The following SLC39A11 variants were observed in gnomAD, a reference collection of about 807,000 sequenced individuals.
SLC39A11 encodes the protein solute carrier family 39 member 11, also known as zinc transporter ZIP11.
SLC39A11 carries 33 observed loss-of-function variants against 36.1 expected under a neutral mutation model. The observed-to-expected ratio is 0.91, with a 90% confidence interval of 0.69 to 1.22. SLC39A11 has a LOEUF of 1.22. Among genes scored for constraint, SLC39A11 ranks in the 50% most tolerant of loss-of-function variants. The pLI, the probability that SLC39A11 is intolerant of heterozygous loss-of-function variation, is 0.00. For synonymous variants in SLC39A11, 166 were observed against 170.3 expected (o/e 0.97, Z 0.20); for missense variants, 432 against 430.3 (o/e 1.00, Z -0.03).
intron 7 of SLC39A11, among the ~76,000 whole-genome samples, chr17:72,667,246 C>T (rs1018841937): frequency 9.9e-5 from 15 of 152,136 alleles, no homozygotes; most frequent in African/African-American, 2.7e-4. Context: ...CCTCAAACAG[C>T]GGCATCTCCG....
At position 72,916,341 on chromosome 17, in the gene SLC39A11, C is replaced by T. The variant is rs376759309; in HGVS notation, c.430+31411G>A. 5.3e-4 allele frequency among the ~76,000 whole-genome samples: 80 copies of T among 152,346 alleles called. 9 individuals carry two copies. The highest frequency in any genetic ancestry group is 3.3e-3 in the Admixed American group (51 of 15,304). The stretch of plus-strand genomic sequence containing the variant: ...CATAAATGAAACCATACAGCCCTAA[C>T]TCTTGCCACACTGGCTCGGGCAGGC... On this transcript the variant is annotated intron_variant, in intron 5 of 9. Coordinates refer to ENST00000255559, the MANE Select transcript of SLC39A11 (RefSeq NM_139177.4).
At chr17:72,851,136 C>T (rs7359625) in intron 5 of SLC39A11, among the ~76,000 whole-genome samples, 79,367 of 151,944 alleles carry the variant, frequency 0.52, 21,213 homozygotes, top group Middle Eastern at 0.58. Context: ...CCACGTGCCA[C>T]AGACATTCAT....
At chr17:72,923,234 T>C (rs927008971) in intron 5 of SLC39A11, among the ~76,000 whole-genome samples, 2 of 152,040 alleles carry the variant, frequency 1.3e-5, no homozygotes, top group Non-Finnish European at 2.9e-5. Context: ...CCCTGCCCCA[T>C]GGTCAGGGTT....
chr17:72,962,422 G>T (rs1163886759), intron 4 of SLC39A11, among the ~76,000 whole-genome samples: 1 of 152,158 alleles, frequency 6.6e-6, no homozygotes, highest in East Asian at 1.9e-4. Context: ...ATTGGCTGTT[G>T]TAAGAATTAC....
At chr17:73,092,411 A>ACCG (rs2060955291) in intron 1 of SLC39A11, 200 bp downstream of exon 1, 1 of 143,310 alleles carries the variant, frequency 7.0e-6, no homozygotes, top group Admixed American at 6.9e-5. Flanking sequence ...CTTCCTTCCC[A>ACCG]CCGCCCCTCA....
At chr17:73,004,149 A>AAGAGAGAGAGAG (rs2089994833) in intron 4 of SLC39A11, among the ~76,000 whole-genome samples, 2 of 146,934 alleles carry the variant, frequency 1.4e-5, no homozygotes, top group African/African-American at 5.1e-5. Context: ...GGAAGAAAGA[A>AAGAGAGAGAGAG]AGAAAGAAGG....
In SLC39A11 at chr17:72,929,433, C is replaced by T. The variant is rs578014678; in HGVS notation, c.430+18319G>A. 5.1e-4 allele frequency among the ~76,000 whole-genome samples: 78 copies of T among 152,114 alleles called. 1 individual carries two copies. The Middle Eastern group carries it at 0.014, about 27-fold the overall frequency. Reference sequence around the variant, plus strand: ...CTCGGGTAGTCTCCTTTCCACAAAACGGTCAAGGTCAATGTGCTAAGGATG... The same window carrying T: ...CTCGGGTAGTCTCCTTTCCACAAAATGGTCAAGGTCAATGTGCTAAGGATG... On this transcript the variant is annotated intron_variant, in intron 5 of 9. Coordinates refer to ENST00000255559, the MANE Select transcript of SLC39A11 (RefSeq NM_139177.4).
chr17:73,011,456 C>T (rs913423315), intron 4 of SLC39A11, among the ~76,000 whole-genome samples: 1 of 152,128 alleles, frequency 6.6e-6, no homozygotes, highest in Non-Finnish European at 1.5e-5. Flanking sequence ...AGACTCACAA[C>T]CTGCGTGGGA....
intron 4 of SLC39A11, among the ~76,000 whole-genome samples, chr17:72,973,072 A>G (rs1194001580): frequency 6.6e-6 from 1 of 151,168 alleles, no homozygotes; most frequent in Non-Finnish European, 1.5e-5. Context: ...CCCACCATAA[A>G]TACCCCAAGC....
chr17:72,669,596 T>C (rs970725693), intron 7 of SLC39A11, among the ~76,000 whole-genome samples: 3 of 152,348 alleles, frequency 2.0e-5, no homozygotes, highest in Admixed American at 1.3e-4. Context: ...TTCCTGGTGA[T>C]GCCAACCTTG....
intron 7 of SLC39A11, among the ~76,000 whole-genome samples, chr17:72,700,502 G>T (rs891916894): frequency 2.0e-5 from 3 of 152,232 alleles, no homozygotes; most frequent in African/African-American, 7.2e-5. Context: ...CGGGGCTGGG[G>T]ACTGCCAGGG....
intron 6 of SLC39A11, among the ~76,000 whole-genome samples, chr17:72,845,904 T>A (rs920260032): frequency 1.3e-5 from 2 of 152,172 alleles, no homozygotes; most frequent in Admixed American, 6.5e-5. Flanking sequence ...TCATTTCAAT[T>A]TATTTTTTAT....
chr17:73,088,800 A>G, intron 1 of SLC39A11, 25 bp from the exon 2 acceptor site: 3 of 1,531,116 alleles, frequency 2.0e-6, no homozygotes, highest in Non-Finnish European at 2.7e-6. Context: ...CGAGAGGGTC[A>G]GCCACCGGTG....
chr17:72,759,082 C>T (rs1394582108), intron 6 of SLC39A11, among the ~76,000 whole-genome samples: 1 of 139,500 alleles, frequency 7.2e-6, no homozygotes, highest in African/African-American at 2.7e-5. Context: ...GCCTGGGCAA[C>T]AGAGTGAGAT....
At chr17:72,900,327 G>C (rs942212770) in intron 5 of SLC39A11, among the ~76,000 whole-genome samples, 8 of 152,112 alleles carry the variant, frequency 5.3e-5, no homozygotes, top group African/African-American at 1.9e-4. Flanking sequence ...AACAAAGGAG[G>C]AACAAGTCGT....
At position 72,719,261 on chromosome 17, in the gene SLC39A11, T is replaced by G. The variant is rs367710593; in HGVS notation, c.671+17389A>C. Reference sequence around the variant, plus strand: ...CTATCTCAAAAAAAGCAATCCTGAATCTGCCTCTTACCAGAAGAATGACCT... The same window carrying G: ...CTATCTCAAAAAAAGCAATCCTGAAGCTGCCTCTTACCAGAAGAATGACCT... On this transcript the variant is annotated intron_variant, in intron 7 of 9. Transcript: ENST00000255559. 5.3e-5 allele frequency among the ~76,000 whole-genome samples: 8 copies of G among 151,942 alleles called. No homozygotes were observed. The East Asian group carries it at 1.4e-3, about 26-fold the overall frequency.
At chr17:72,922,976 A>G (rs954006846) in intron 5 of SLC39A11, among the ~76,000 whole-genome samples, 2 of 148,658 alleles carry the variant, frequency 1.3e-5, no homozygotes, top group African/African-American at 4.9e-5. Context: ...AAAAAAAAAA[A>G]AAAAAAAAAA....
intron 6 of SLC39A11, among the ~76,000 whole-genome samples, chr17:72,800,945 G>C (rs914118492): frequency 2.6e-5 from 4 of 152,178 alleles, no homozygotes; most frequent in Non-Finnish European, 5.9e-5. Context: ...TAAAACTAAT[G>C]TGCCATGCAA....
chr17:72,994,811 C>T (rs542302517), intron 4 of SLC39A11, among the ~76,000 whole-genome samples: 4 of 152,240 alleles, frequency 2.6e-5, no homozygotes, highest in East Asian at 1.9e-4. Context: ...ATGCCCTATA[C>T]GGACTGGGTT....
Sources: allele counts gnomAD v4.1 joint callset (sites outside exome capture counted in the v4.1 genomes callset), GRCh38; gene constraint gnomAD v4.1.1; transcripts MANE v1.5; gene names NCBI Gene and HGNC (gene_info 2026-07-23, HGNC 2026-07-21).